The following BNIP3L variants were observed in gnomAD, a reference collection of about 807,000 sequenced individuals.
The protein encoded by BNIP3L is BCL2 interacting protein 3 like.
In BNIP3L, 10 loss-of-function variants were observed where a neutral mutation model predicts 25.5. The ratio of observed to expected loss-of-function variants is 0.39; its 90% CI spans 0.24 to 0.67. The LOEUF (loss-of-function observed/expected upper bound fraction) is 0.67. Ranked by LOEUF, BNIP3L falls within the 30% of genes least tolerant of loss-of-function variation. BNIP3L has a pLI of 0.45. For missense variants in BNIP3L, 215 were observed against 270.9 expected, an observed-to-expected ratio of 0.79 and a Z score of 1.45; for synonymous variants, 113 against 101.2, an observed-to-expected ratio of 1.12 and a Z score of -0.70.
At chr8:26,394,681 A>G (rs1806192293) in intron 2 of BNIP3L, among the ~76,000 whole-genome samples, 2 of 152,226 alleles carry the variant, frequency 1.3e-5, no homozygotes, top group Admixed American at 1.3e-4. Context: ...CTGTTGTGCT[A>G]TCACACATCA....
intron 5 of BNIP3L, among the ~76,000 whole-genome samples, chr8:26,408,678 C>G (rs1806551690): frequency 6.6e-6 from 1 of 152,048 alleles, no homozygotes; most frequent in Non-Finnish European, 1.5e-5. Flanking sequence ...TCAAGACCAG[C>G]CTGGCCAACA....
At position 26,411,312 on chromosome 8, in the gene BNIP3L, T is replaced by C. The variant is rs1311708826; in HGVS notation, c.*900T>C. On this transcript the variant is annotated 3_prime_UTR_variant, in exon 6 of 6. Transcript: ENST00000380629. ...TATTTTTTATTTCTTTATTTTTTTT[T>C]CTCTAAGAAGAGGCTTTGGAATGAG... 1 of 152,554 alleles carries C rather than the reference T, an allele frequency of 6.6e-6. No homozygotes were observed. The highest frequency in any genetic ancestry group is 1.5e-5 in the Non-Finnish European group (1 of 68,034). 9.5% of individuals were successfully genotyped at this position (152,554 alleles called of 1,614,324 possible). A position where few individuals can be genotyped will look rare whatever the true frequency, so the allele number is the denominator to read the frequency against.
intron 3 of BNIP3L, among the ~76,000 whole-genome samples, chr8:26,402,256 A>G (rs963813791): frequency 6.6e-6 from 1 of 152,210 alleles, no homozygotes; most frequent in Non-Finnish European, 1.5e-5. Flanking sequence ...GAAGCTCACA[A>G]TAGCAGGCTG....
chr8:26,384,007 A>C (rs2117459203), intron 1 of BNIP3L, among the ~76,000 whole-genome samples: 1 of 152,190 alleles, frequency 6.6e-6, no homozygotes, highest in Admixed American at 6.5e-5. Flanking sequence ...CATTTAAAGA[A>C]ACGGAATTAA....
intron 3 of BNIP3L, among the ~76,000 whole-genome samples, chr8:26,396,812 C>G (rs200981667): frequency 3.0e-5 from 4 of 131,864 alleles, no homozygotes; most frequent in Admixed American, 1.6e-4. Context: ...GGCTCGAGAA[C>G]TACGTGAAGA....
At chr8:26,410,229 G>A in intron 5 of BNIP3L, 135 bp from the exon 6 acceptor site, 1 of 916,632 alleles carries the variant, frequency 1.1e-6, no homozygotes. Flanking sequence ...ATTTCACGGT[G>A]TTTGGGGAGC....
chr8:26,390,404 T>C (rs1806077864), intron 1 of BNIP3L: 1 of 985,306 alleles, frequency 1.0e-6, no homozygotes, highest in Admixed American at 6.1e-5. Context: ...AAACTTTTCG[T>C]GTTTGCCTGT....
At chr8:26,395,500 C>CT (rs1806213976) in intron 3 of BNIP3L, 198 bp downstream of exon 3, 1 of 552,830 alleles carries the variant, frequency 1.8e-6, no homozygotes, top group African/African-American at 1.9e-5. Flanking sequence ...CCCTGTCACT[C>CT]TAAACGAATT....
chr8:26,403,360 A>G (rs1209840238), intron 3 of BNIP3L, among the ~76,000 whole-genome samples: 1 of 152,182 alleles, frequency 6.6e-6, no homozygotes, highest in Non-Finnish European at 1.5e-5. Flanking sequence ...GAATAAGAAG[A>G]AAGTTTAGGG....
chr8:26,393,128 G>A (rs866560441), intron 2 of BNIP3L, among the ~76,000 whole-genome samples: 13 of 151,714 alleles, frequency 8.6e-5, no homozygotes, highest in Admixed American at 1.3e-4. Flanking sequence ...CTACTAACAC[G>A]CTTTACCATT....
Position 26,383,079 on chromosome 8 carries a change from TGAGTGCCGGAGAC to T in BNIP3L, c.-50_-38del. The T allele has an allele frequency of 4.7e-6, 7 of 1,488,800 alleles. No individual in the cohort carries two copies. The highest frequency in any genetic ancestry group is 6.4e-6 in the Non-Finnish European group (7 of 1,095,050). 92.2% of individuals were successfully genotyped at this position (1,488,800 alleles called of 1,614,324 possible). ...GGACTCGGCTTGTTGTGTTGCTGCCTGAGTGCCGGAGACGGTCCTGCTGCTGCCGCAGTCCTGC... is the reference window on the plus strand; with the variant it reads ...GGACTCGGCTTGTTGTGTTGCTGCCTGGTCCTGCTGCTGCCGCAGTCCTGC... On this transcript the variant is annotated 5_prime_UTR_variant, in exon 1 of 6. Transcript: ENST00000380629.
At chr8:26,389,264 G>GA (rs529895987) in intron 1 of BNIP3L, among the ~76,000 whole-genome samples, 155 of 150,380 alleles carry the variant, frequency 1.0e-3, no homozygotes, top group Non-Finnish European at 2.0e-3. Flanking sequence ...GTGAGAGTCA[G>GA]AAAAAAAAAC....
At chr8:26,394,250 A>G (rs555265571) in intron 2 of BNIP3L, among the ~76,000 whole-genome samples, 21 of 152,196 alleles carry the variant, frequency 1.4e-4, no homozygotes, top group African/African-American at 4.6e-4. Flanking sequence ...TTATTTGTAA[A>G]TTTTTACAGT....
chr8:26,407,172 ATTTTTTTTTG>A (rs1261638491), intron 3 of BNIP3L, among the ~76,000 whole-genome samples: 1 of 147,876 alleles, frequency 6.8e-6, no homozygotes, highest in African/African-American at 2.5e-5. Flanking sequence ...TGCCCGGCTA[ATTTTTTTTTG>A]TTTTGTTTTG....
At chr8:26,410,189 T>C (rs1016908284) in intron 5 of BNIP3L, among the ~76,000 whole-genome samples, 175 bp from the exon 6 acceptor site, 1 of 152,208 alleles carries the variant, frequency 6.6e-6, no homozygotes, top group African/African-American at 2.4e-5. Flanking sequence ...TTGGCCGGGC[T>C]GGTGACTGGT....
intron 3 of BNIP3L, among the ~76,000 whole-genome samples, chr8:26,406,816 A>G (rs1434159102): frequency 7.0e-6 from 1 of 143,620 alleles, no homozygotes; most frequent in Non-Finnish European, 1.5e-5. Flanking sequence ...CTGTCTCCAG[A>G]AAAAAAAAAA....
intron 1 of BNIP3L, chr8:26,390,667 C>T: frequency 2.8e-6 from 2 of 719,472 alleles, no homozygotes; most frequent in Non-Finnish European, 3.4e-6. Context: ...TAATTTTATG[C>T]TCCTGATTTG....
chr8:26,394,569 C>G (rs933928348), intron 2 of BNIP3L, among the ~76,000 whole-genome samples: 1 of 152,014 alleles, frequency 6.6e-6, no homozygotes, highest in African/African-American at 2.4e-5. Context: ...TCTATAAACC[C>G]TCCAAGTTAA....
rs752664734 is a variant in BNIP3L at position 26,383,203 on chromosome 8, T to C, written c.73T>C (p.Ser25Pro). The C allele has an allele frequency of 2.5e-6, 4 of 1,611,608 alleles. No individual in the cohort carries two copies. Among genetic ancestry groups the C allele is most frequent in the African/African-American group, 2.7e-5 (2 of 74,848 alleles). Residue 25 changes from serine to proline, a missense_variant, in exon 1 of 6, where the codon TCT becomes CCT. This residue lies in a region of BNIP3L where 69 missense variants were observed against 53.6 expected (regional missense o/e 1.29). Transcript: ENST00000380629. ...NNNNCEENEQ[S>P]LPPPAGLNSS... is the part of the protein sequence containing the mutation. Reference sequence around the variant, plus strand: ...CAACAACTGCGAGGAAAATGAGCAGTCTCTGCCCCCGCCGGCCGGCCTCAA... The same window carrying C: ...CAACAACTGCGAGGAAAATGAGCAGCCTCTGCCCCCGCCGGCCGGCCTCAA...
Sources: gnomAD v4.1 joint callset for allele counts (sites outside exome capture counted in the v4.1 genomes callset) on GRCh38, gnomAD v4.1.1 for gene constraint, gnomAD v4.1.1 regional missense constraint, MANE v1.5 for transcripts, NCBI Gene and HGNC (gene_info 2026-07-23, HGNC 2026-07-21) for gene names.